SORCS1: variants seen among roughly 807,000 people sequenced by gnomAD.
SORCS1 encodes VPS10 domain-containing receptor SorCS1.
SORCS1 carries 60 observed loss-of-function variants against 146.1 expected under a neutral mutation model. The ratio of observed to expected loss-of-function variants is 0.41; its 90% CI spans 0.33 to 0.51. The LOEUF (loss-of-function observed/expected upper bound fraction) is 0.51. Ranked by LOEUF, SORCS1 falls within the 20% of genes least tolerant of loss-of-function variation. The probability of loss-of-function intolerance (pLI) is 0.21; values close to 1 mark genes in which losing one functional copy is unlikely to be tolerated. For missense variants in SORCS1, 1,352 were observed against 1,487.6 expected (o/e 0.91, Z 1.50); for synonymous variants, 637 against 584.0 (o/e 1.09, Z -1.31).
At chr10:107,042,333 G>A (rs1243074781) in intron 1 of SORCS1, among the ~76,000 whole-genome samples, 1 of 152,164 alleles carries the variant, frequency 6.6e-6, no homozygotes, top group Non-Finnish European at 1.5e-5. Context: ...AAAGGGCCTG[G>A]CATTTACCAA....
Position 106,842,297 on chromosome 10 carries a change from G to A in SORCS1, c.627-12624C>T, listed in dbSNP as rs370349582. Among the ~76,000 whole-genome samples the A allele has an allele frequency of 1.3e-3, 205 of 152,306 alleles. 3 individuals are homozygous for A. Among genetic ancestry groups the A allele is most frequent in the Middle Eastern group, 3.4e-3 (1 of 294 alleles). ...TCACCCAGGTGGAGTGCAATGGCAT[G>A]ACCTTGGCTCACTGCAACCGCCATT... On this transcript the variant is annotated intron_variant, in intron 2 of 25. Transcript: ENST00000263054.
At chr10:107,114,229 C>A (rs71475447) in intron 1 of SORCS1, among the ~76,000 whole-genome samples, 1,639 of 152,214 alleles carry the variant, frequency 0.011, 18 homozygotes, top group Non-Finnish European at 0.016. Flanking sequence ...TTCTCAAAGT[C>A]TTTCAAAAAA....
intron 2 of SORCS1, among the ~76,000 whole-genome samples, chr10:106,877,879 CAT>C (rs1361440572): frequency 1.3e-5 from 2 of 152,146 alleles, no homozygotes; most frequent in East Asian, 1.9e-4. Context: ...TTCTTACAGA[CAT>C]AGTGTCCCAC....
At chr10:106,656,853 T>G (rs2135319312) in intron 17 of SORCS1, among the ~76,000 whole-genome samples, 1 of 152,274 alleles carries the variant, frequency 6.6e-6, no homozygotes, top group East Asian at 1.9e-4. Context: ...AATTGAGAAT[T>G]ATGGGGATCA....
At chr10:106,705,528 T>G (rs1319283622) in intron 8 of SORCS1, among the ~76,000 whole-genome samples, 1 of 152,170 alleles carries the variant, frequency 6.6e-6, no homozygotes, top group Non-Finnish European at 1.5e-5. Flanking sequence ...GAAAGAGGCA[T>G]GGCAACTCAA....
chr10:106,907,402 G>C (rs1304141656), intron 2 of SORCS1, among the ~76,000 whole-genome samples: 1 of 152,096 alleles, frequency 6.6e-6, no homozygotes, highest in Non-Finnish European at 1.5e-5. Context: ...CAAATATATT[G>C]TCATTAAACT....
At position 106,960,012 on chromosome 10, in the gene SORCS1, A is replaced by C. The variant is rs182685776; in HGVS notation, c.559-3432T>G. ...AATGCATATGAACATATATACCCCC[A>C]CACAAAGTGGCATATCCATCAGCAC... On this transcript the variant is annotated intron_variant, in intron 1 of 25. Coordinates refer to ENST00000263054, the MANE Select transcript of SORCS1 (RefSeq NM_052918.5). This position sits in a 1 kb window ranked among gnomAD's most constrained non-coding sequence, Gnocchi z 4.4. Among the ~76,000 whole-genome samples, 1 of 152,250 alleles carries C rather than the reference A, an allele frequency of 6.6e-6. No individual in the cohort carries two copies. The highest frequency in any genetic ancestry group is 1.9e-4 in the East Asian group (1 of 5,184).
intron 1 of SORCS1, among the ~76,000 whole-genome samples, chr10:107,134,460 G>A (rs1040635810): frequency 1.3e-5 from 2 of 152,122 alleles, no homozygotes; most frequent in African/African-American, 2.4e-5. Context: ...AACATGGTGA[G>A]ACCCTGTCTC....
intron 2 of SORCS1, among the ~76,000 whole-genome samples, chr10:106,910,314 T>TGTGTGTGTGA (rs753133203): frequency 7.9e-6 from 1 of 126,776 alleles, no homozygotes; most frequent in African/African-American, 3.6e-5. Flanking sequence ...TGTGTGTGTG[T>TGTGTGTGTGA]GAGACAGTAT....
At chr10:107,127,130 A>C (rs1966756712) in intron 1 of SORCS1, among the ~76,000 whole-genome samples, 1 of 152,012 alleles carries the variant, frequency 6.6e-6, no homozygotes, top group East Asian at 1.9e-4. Context: ...ACAAAAAAAA[A>C]TGCTCATGTT....
intron 4 of SORCS1, among the ~76,000 whole-genome samples, chr10:106,772,210 C>T (rs1860071135): frequency 6.6e-6 from 1 of 152,146 alleles, no homozygotes; most frequent in Non-Finnish European, 1.5e-5. Flanking sequence ...TGAATTCCCT[C>T]TTTCTTTTTG....
intron 2 of SORCS1, among the ~76,000 whole-genome samples, chr10:106,861,715 C>A (rs952838384): frequency 1.3e-5 from 2 of 151,998 alleles, no homozygotes; most frequent in African/African-American, 2.4e-5. Flanking sequence ...CATGGTGCAA[C>A]CCCATCTCTA....
chr10:106,767,243 G>A (rs111557371), intron 4 of SORCS1, among the ~76,000 whole-genome samples: 3 of 152,308 alleles, frequency 2.0e-5, no homozygotes, highest in African/African-American at 7.2e-5. Flanking sequence ...CCTACAGCTG[G>A]ATTTATCAAA....
In SORCS1 at chr10:107,164,273, C is replaced by A. The variant is rs754071767; in HGVS notation, c.254G>T (p.Arg85Leu). 3.1e-6 allele frequency: 5 copies of A among 1,601,038 alleles called. No individual in the cohort carries two copies. In the African/African-American group the frequency reaches 5.3e-5, roughly 17 times the overall value. ...CCGAGCCCGCTCCAGGGATAGCGCT[C>A]GGTCCCCGGGGGCCACTGAGAACAG... is the stretch of plus-strand genomic sequence containing the variant. Reference protein sequence around the residue: ...RPLFSVAPGDRALSLERARGT... With the variant: ...RPLFSVAPGDLALSLERARGT... The change falls in exon 1 of 26, where the codon CGA becomes CTA. Residue 85 changes from arginine to leucine, a missense_variant. Arg to Leu is a moderately radical substitution (Grantham distance 102). Coordinates refer to ENST00000263054, the MANE Select transcript of SORCS1 (RefSeq NM_052918.5). The surrounding 1 kb of genome is among the most constrained non-coding windows in gnomAD (Gnocchi z 6.8).
chr10:106,983,263 T>C (rs1046274508), intron 1 of SORCS1, among the ~76,000 whole-genome samples: 1 of 148,226 alleles, frequency 6.7e-6, no homozygotes, highest in Non-Finnish European at 1.5e-5. Context: ...TATTTCTATA[T>C]ATAAATATAC....
chr10:106,864,527 C>T (rs1487057884), intron 2 of SORCS1, among the ~76,000 whole-genome samples: 1 of 152,134 alleles, frequency 6.6e-6, no homozygotes, highest in Non-Finnish European at 1.5e-5. Context: ...CTGAGCTTCC[C>T]GGCAAAAGCA....
At chr10:107,174,215 G>A in the SORCS1 span, among the ~76,000 whole-genome samples, 5 of 151,554 alleles carry the variant, frequency 3.3e-5, no homozygotes, top group African/African-American at 1.2e-4. Context: ...TTTTTTTGTC[G>A]TTGTTTTTGA....
At chr10:107,095,744 A>T (rs1322369647) in intron 1 of SORCS1, among the ~76,000 whole-genome samples, 1 of 152,214 alleles carries the variant, frequency 6.6e-6, no homozygotes, top group Non-Finnish European at 1.5e-5. Context: ...ATAAAAATTT[A>T]AAAAGTTACC....
Position 106,607,204 on chromosome 10 carries a change from C to A in SORCS1, c.3127G>T (p.Ala1043Ser). ...TCAGTTGACCTTTTGTTTTCTCCAG[C>A]TGGATCCTGATAGGGTAGGACAAAG... Reference protein sequence around the residue: ...ELFVLPYQDPAGENKRSTDDL... With the variant: ...ELFVLPYQDPSGENKRSTDDL... The change falls in exon 23 of 26, where the codon GCT (alanine) becomes TCT (serine). Residue 1043 changes from alanine (A) to serine (S), a missense_variant. Physicochemically the swap from Ala to Ser is moderately conservative, Grantham distance 99. Around this residue, in one of 3 missense-constraint regions of SORCS1, gnomAD observed 214 missense variants for 204.8 expected, o/e 1.05. Transcript: ENST00000263054. 6.2e-7 allele frequency: 1 copy of A among 1,614,142 alleles called. No individual in the cohort carries two copies. The highest frequency in any genetic ancestry group is 8.5e-7 in the Non-Finnish European group (1 of 1,179,980).
Sources: allele counts gnomAD v4.1 joint callset (sites outside exome capture counted in the v4.1 genomes callset), GRCh38; gene constraint gnomAD v4.1.1; regional missense constraint gnomAD v4.1.1; non-coding constraint Gnocchi (gnomAD v3.1); transcripts MANE v1.5; gene names NCBI Gene and HGNC (gene_info 2026-07-23, HGNC 2026-07-21).